Variants in NDRG1 observed in about 807,000 individuals in gnomAD.
NDRG1 encodes protein NDRG1.
Under a neutral mutation model 56.9 loss-of-function variants are expected in NDRG1, and 32 were observed. That is an observed-to-expected ratio of 0.56 (90% CI 0.42 to 0.76). The LOEUF (loss-of-function observed/expected upper bound fraction) is 0.76. Ranked by LOEUF, NDRG1 falls within the 30% of genes least tolerant of loss-of-function variation. The pLI, the probability that NDRG1 is intolerant of heterozygous loss-of-function variation, is 0.00. For missense variants in NDRG1, 507 were observed against 545.7 expected (o/e 0.93, Z 0.71); for synonymous variants, 211 against 204.1 (o/e 1.03, Z -0.29).
chr8:133,290,444 A>T (rs991549928), intron 1 of NDRG1, among the ~76,000 whole-genome samples: 1 of 152,166 alleles, frequency 6.6e-6, no homozygotes, highest in Non-Finnish European at 1.5e-5. Flanking sequence ...CATTTAACAG[A>T]CGGGGAAACT....
In NDRG1 at chr8:133,238,278, A is replaced by T. The variant is rs748957160; in HGVS notation, c.*600T>A. Reference sequence around the variant, plus strand: ...GCTTTCTAGATGCACCAACTTTAAAAATCGGTTTCTTCAAGTTAACTACGT... The same window carrying T: ...GCTTTCTAGATGCACCAACTTTAAATATCGGTTTCTTCAAGTTAACTACGT... On this transcript the variant is annotated 3_prime_UTR_variant, in exon 16 of 16. Coordinates refer to ENST00000323851, the MANE Select transcript of NDRG1 (RefSeq NM_006096.4). 10 of 232,356 alleles carry T rather than the reference A, an allele frequency of 4.3e-5. No homozygotes were observed. Among genetic ancestry groups the T allele is most frequent in the Non-Finnish European group, 7.7e-5 (9 of 117,612 alleles). 14.4% of individuals were successfully genotyped at this position (232,356 alleles called of 1,614,324 possible).
At chr8:133,263,929 A>AG (rs1182854840) in intron 4 of NDRG1, among the ~76,000 whole-genome samples, 9 of 151,870 alleles carry the variant, frequency 5.9e-5, no homozygotes, top group East Asian at 1.9e-4. Context: ...AAAAAAAAAA[A>AG]AAAGAAAGAA....
rs576413819 is a variant in NDRG1, at chr8:133,252,158, C to T, written c.595-1615G>A. Among the ~76,000 whole-genome samples, 7 of 152,286 alleles carry T rather than the reference C, an allele frequency of 4.6e-5. No individual in the cohort carries two copies. In the East Asian group the frequency reaches 7.7e-4, roughly 17 times the overall value. ...CTCACCCAGGCTGCAGTGCATGGCG[C>T]GATCTCGGCTCACTGCAGCCTCTGC... On this transcript the variant is annotated intron_variant, in intron 9 of 15. Coordinates refer to ENST00000323851, the MANE Select transcript of NDRG1 (RefSeq NM_006096.4).
intron 15 of NDRG1, chr8:133,240,566 G>A (rs1367429358): frequency 6.6e-6 from 1 of 152,192 alleles, no homozygotes; most frequent in Non-Finnish European, 1.5e-5. Flanking sequence ...GGTGTGCAAA[G>A]GGTTCATCAA....
At chr8:133,270,498 T>C (rs555847664) in intron 3 of NDRG1, among the ~76,000 whole-genome samples, 27 of 151,410 alleles carry the variant, frequency 1.8e-4, no homozygotes, top group Non-Finnish European at 3.2e-4. Flanking sequence ...TTCTGGCCAA[T>C]GAAATGCCAG....
intron 8 of NDRG1, among the ~76,000 whole-genome samples, 162 bp downstream of exon 8, chr8:133,256,615 C>G (rs549787456): frequency 6.6e-6 from 1 of 152,328 alleles, no homozygotes; most frequent in Non-Finnish European, 1.5e-5. Context: ...GTCATGTGTA[C>G]TGTTCTAAGT....
chr8:133,256,325 G>A (rs1353374650), intron 8 of NDRG1: 1 of 165,576 alleles, frequency 6.0e-6, no homozygotes, highest in Non-Finnish European at 1.3e-5. Context: ...AAATTCTGTG[G>A]CACAGTCCGT....
At chr8:133,244,462 G>T in intron 13 of NDRG1, 72 bp from the exon 14 acceptor site, 1 of 1,580,498 alleles carries the variant, frequency 6.3e-7, no homozygotes. Flanking sequence ...AATTTTTTCC[G>T]AAAGGATGCC....
intron 3 of NDRG1, among the ~76,000 whole-genome samples, chr8:133,274,262 C>A (rs1421002988): frequency 6.6e-6 from 1 of 152,202 alleles, no homozygotes; most frequent in Non-Finnish European, 1.5e-5. Context: ...ATGCAGACTC[C>A]GCCAGCAGCT....
chr8:133,248,565 G>T (rs374126479), intron 11 of NDRG1, 150 bp downstream of exon 11: 2 of 975,128 alleles, frequency 2.1e-6, no homozygotes, highest in Non-Finnish European at 1.6e-6. Context: ...TCCAAGTCAG[G>T]CTGGGTAATG....
intron 2 of NDRG1, 31 bp from the exon 3 acceptor site, chr8:133,280,298 C>T (rs1438338516): frequency 2.5e-6 from 4 of 1,609,964 alleles, no homozygotes; most frequent in Non-Finnish European, 3.4e-6. Context: ...TTGTCAATTT[C>T]ATCTGTTTTC....
intron 1 of NDRG1, among the ~76,000 whole-genome samples, chr8:133,294,730 C>A (rs1039539631): frequency 6.6e-6 from 1 of 152,190 alleles, no homozygotes; most frequent in African/African-American, 2.4e-5. Flanking sequence ...GCCTCTAAGC[C>A]CCTGCCCTTC....
At chr8:133,296,984 G>GC (rs1308371517) in intron 1 of NDRG1, 150 bp downstream of exon 1, 1 of 160,640 alleles carries the variant, frequency 6.2e-6, no homozygotes, top group Non-Finnish European at 1.4e-5. Context: ...TCGCGCCCGC[G>GC]CCCCGGGGTG....
intron 9 of NDRG1, among the ~76,000 whole-genome samples, chr8:133,254,157 C>T (rs938653199): frequency 6.6e-6 from 1 of 151,790 alleles, no homozygotes; most frequent in African/African-American, 2.4e-5. Context: ...CTATAGAGGC[C>T]AATGCTGATC....
At chr8:133,248,590 G>T in intron 11 of NDRG1, 125 bp downstream of exon 11, 1 of 1,156,118 alleles carries the variant, frequency 8.6e-7, no homozygotes, top group Non-Finnish European at 1.3e-6. Context: ...GTCTCTGGGT[G>T]GAATATATCC....
At chr8:133,246,302 G>GC (rs760404311) in intron 13 of NDRG1, among the ~76,000 whole-genome samples, 2 of 152,166 alleles carry the variant, frequency 1.3e-5, no homozygotes, top group Non-Finnish European at 2.9e-5. Flanking sequence ...CAAGCAGAGA[G>GC]CCCCTCTTGG....
intron 13 of NDRG1, chr8:133,244,725 C>T (rs1490123905): frequency 6.2e-6 from 3 of 480,378 alleles, no homozygotes; most frequent in African/African-American, 5.8e-5. Flanking sequence ...GCTTGAGGGA[C>T]TCGCAAGGTT....
At chr8:133,286,373 G>A (rs867790629) in intron 1 of NDRG1, among the ~76,000 whole-genome samples, 17 of 152,300 alleles carry the variant, frequency 1.1e-4, no homozygotes, top group Middle Eastern at 3.4e-3. Flanking sequence ...TCCAGAAACC[G>A]TGATCACATT....
chr8:133,253,812 C>T (rs1564286312), intron 9 of NDRG1, among the ~76,000 whole-genome samples: 1 of 152,212 alleles, frequency 6.6e-6, no homozygotes, highest in East Asian at 1.9e-4. Context: ...AATCCTCCTG[C>T]CTCAGCCTCC....
Sources: gnomAD v4.1 joint callset for allele counts (sites outside exome capture counted in the v4.1 genomes callset) on GRCh38, gnomAD v4.1.1 for gene constraint, MANE v1.5 for transcripts, NCBI Gene and HGNC (gene_info 2026-07-23, HGNC 2026-07-21) for gene names.